NWD1: variants seen among roughly 807,000 people sequenced by gnomAD.
NWD1 encodes NACHT and WD repeat domain containing 1.
NWD1 carries 129 observed loss-of-function variants against 135.1 expected under a neutral mutation model. The ratio of observed to expected loss-of-function variants is 0.96; its 90% CI spans 0.83 to 1.11. The LOEUF (loss-of-function observed/expected upper bound fraction) is 1.11. NWD1 is among the 50% of genes least tolerant of loss of function. The pLI is 0.00. For missense variants in NWD1, 1,740 were observed against 1,851.3 expected, an observed-to-expected ratio of 0.94 and a Z score of 1.10; for synonymous variants, 773 against 786.0, an observed-to-expected ratio of 0.98 and a Z score of 0.28.
chr19:16,788,232 AAAT>A (rs200511332), intron 12 of NWD1, among the ~76,000 whole-genome samples: 45,499 of 114,762 alleles, frequency 0.4, 9,215 homozygotes, highest in East Asian at 0.55. Context: ...CTTCATCTCA[AAAT>A]AATAATAATA....
chr19:16,762,034 A>G lies in NWD1; in HGVS notation c.2029A>G (p.Arg677Gly). The change falls in exon 8 of 19, where the codon AGG becomes GGG. Residue 677 changes from arginine (R) to glycine (G), a missense_variant. By Grantham distance (125) the Arg-to-Gly change is moderately radical (BLOSUM62 -2). Transcript: ENST00000524140. ...CCTGTCAGGATCCGAGAGAGCCAAG[A>G]GGCATGGCGTCCTGGCCGACTTCTT... ...RYLSGSERAKRHGVLADFFSG... is the reference protein window; with the variant it reads ...RYLSGSERAKGHGVLADFFSG... The G allele has an allele frequency of 6.2e-7, 1 of 1,614,024 alleles. No individual in the cohort carries two copies. The highest frequency in any genetic ancestry group is 1.3e-5 in the African/African-American group (1 of 75,032).
intron 5 of NWD1, among the ~76,000 whole-genome samples, chr19:16,746,464 G>C (rs545312169): frequency 1.3e-5 from 2 of 152,148 alleles, no homozygotes; most frequent in Non-Finnish European, 2.9e-5. Flanking sequence ...CACGAGGTCA[G>C]GAGTTCAAGA....
intron 11 of NWD1, 32 bp downstream of exon 11, chr19:16,773,355 C>T (rs760809412): frequency 6.3e-7 from 1 of 1,581,624 alleles, no homozygotes; most frequent in Non-Finnish European, 8.6e-7. Context: ...AAAATCCCAG[C>T]AGGCACCTGC....
At chr19:16,808,970 G>C (rs1165974025) in intron 18 of NWD1, among the ~76,000 whole-genome samples, 1 of 152,280 alleles carries the variant, frequency 6.6e-6, no homozygotes, top group African/African-American at 2.4e-5. Flanking sequence ...CTGTGATCCA[G>C]CTACTTGGAG....
chr19:16,794,048 C>T (rs1393041980), intron 14 of NWD1, among the ~76,000 whole-genome samples: 3 of 152,158 alleles, frequency 2.0e-5, no homozygotes, highest in Non-Finnish European at 4.4e-5. Context: ...GGTGTACCAC[C>T]ATGCCCAGCT....
At chr19:16,759,078 A>C (rs548605546) in intron 6 of NWD1, 147 bp from the exon 7 acceptor site, 1 of 663,288 alleles carries the variant, frequency 1.5e-6, no homozygotes, top group Non-Finnish European at 2.7e-6. Context: ...CGTGCTTGGT[A>C]CCTTGTGGGC....
intron 2 of NWD1, among the ~76,000 whole-genome samples, chr19:16,726,542 C>T (rs1005351116): frequency 2.0e-5 from 3 of 151,394 alleles, no homozygotes; most frequent in Non-Finnish European, 2.9e-5. Flanking sequence ...TGAGTTCAAG[C>T]GATTCTCCTG....
At chr19:16,798,472 G>A (rs922830287) in intron 16 of NWD1, among the ~76,000 whole-genome samples, 4 of 152,020 alleles carry the variant, frequency 2.6e-5, no homozygotes, top group Non-Finnish European at 5.9e-5. Flanking sequence ...TTAGCCGGGC[G>A]TCATGGCATG....
chr19:16,779,475 G>T lies in NWD1; in HGVS notation c.2731+10G>T. Reference sequence around the variant, plus strand: ...CTAACTGGACACACAGGTGAGACTTGGGAAGTGGGCTTTGTGGTCAGCTTC... The same window carrying T: ...CTAACTGGACACACAGGTGAGACTTTGGAAGTGGGCTTTGTGGTCAGCTTC... On this transcript the variant is annotated intron_variant, in intron 12 of 18. Coordinates refer to ENST00000524140, the MANE Select transcript of NWD1 (RefSeq NM_001007525.5). 1 of 1,611,686 alleles carries T rather than the reference G, an allele frequency of 6.2e-7. No individual in the cohort carries two copies.
At chr19:16,730,568 A>G (rs10416579) in intron 2 of NWD1, among the ~76,000 whole-genome samples, 98,436 of 151,636 alleles carry the variant, frequency 0.65, 33,357 homozygotes, top group African/African-American at 0.81. Flanking sequence ...TTAAAAAAAT[A>G]TATATGGCTG....
At chr19:16,807,468 G>A in intron 17 of NWD1, 118 bp from the exon 18 acceptor site, 1 of 783,246 alleles carries the variant, frequency 1.3e-6, no homozygotes, top group Non-Finnish European at 2.1e-6. Context: ...ACTACAGCCT[G>A]GGCAACAGAG....
At chr19:16,723,708 GTTT>G (rs1967220991) in intron 1 of NWD1, among the ~76,000 whole-genome samples, 1 of 151,706 alleles carries the variant, frequency 6.6e-6, no homozygotes, top group African/African-American at 2.4e-5. Flanking sequence ...GTTTTGTTTT[GTTT>G]TGTTTTGAGA....
chr19:16,772,032 A>G (rs1035756816), intron 10 of NWD1, among the ~76,000 whole-genome samples: 1 of 152,114 alleles, frequency 6.6e-6, no homozygotes, highest in African/African-American at 2.4e-5. Context: ...TGAAAGGTAC[A>G]AAGATTTCCA....
At chr19:16,772,183 T>C (rs751392104) in intron 10 of NWD1, among the ~76,000 whole-genome samples, 2 of 151,692 alleles carry the variant, frequency 1.3e-5, no homozygotes, top group Admixed American at 6.6e-5. Context: ...CTGGGCAACA[T>C]AACGAGACCC....
Position 16,749,489 on chromosome 19 carries a change from G to T in NWD1, c.847G>T (p.Glu283Ter), listed in dbSNP as rs1471622332. 6.2e-7 allele frequency: 1 copy of T among 1,611,944 alleles called. No homozygotes were observed. The highest frequency in any genetic ancestry group is 1.7e-5 in the Admixed American group (1 of 59,978). ...TCACCAGGTCCTCACACGCCTCCGT[G>T]AGCTGGATACGGCCGGACAGGAGTT... ...ANHQVLTRLR[E>*]LDTAGQELAW... is the part of the protein sequence containing the mutation. Residue 283 changes from glutamate to a stop codon, truncating the protein, a stop_gained, in exon 6 of 19, where the codon GAG (glutamate) becomes TAG (stop). Coordinates refer to ENST00000524140, the MANE Select transcript of NWD1 (RefSeq NM_001007525.5). LOFTEE classifies it high-confidence loss of function.
At chr19:16,764,384 C>CT (rs1246948063) in intron 9 of NWD1, among the ~76,000 whole-genome samples, 1 of 134,874 alleles carries the variant, frequency 7.4e-6, no homozygotes, top group African/African-American at 3.2e-5. Context: ...TCCATCCATC[C>CT]ATCCATCCAT....
chr19:16,808,833 C>T (rs778765790), intron 18 of NWD1, among the ~76,000 whole-genome samples: 2 of 151,990 alleles, frequency 1.3e-5, no homozygotes, highest in African/African-American at 2.4e-5. Context: ...GTGGCTCACC[C>T]GGCACTTTGG....
intron 3 of NWD1, among the ~76,000 whole-genome samples, chr19:16,732,043 T>G (rs976631876): frequency 6.6e-6 from 1 of 151,602 alleles, no homozygotes; most frequent in Non-Finnish European, 1.5e-5. Flanking sequence ...ATGATGAAAC[T>G]CTGTCTCTAC....
rs1365570149 is a variant in NWD1 at position 16,797,885 on chromosome 19, A to C, written c.3458A>C (p.Gln1153Pro). 5 of 1,612,562 alleles carry C rather than the reference A, an allele frequency of 3.1e-6. No individual in the cohort carries two copies. The highest frequency in any genetic ancestry group is 4.2e-6 in the Non-Finnish European group (5 of 1,179,204). Residue 1153 changes from glutamine to proline, a missense_variant and splice_region_variant, in exon 16 of 19, where the codon CAG becomes CCG. Transcript: ENST00000524140. Reference protein sequence around the residue: ...IITGSLDALIQVWSLSEQGTL... With the variant: ...IITGSLDALIPVWSLSEQGTL... ...ACGGGGTCCCTTGATGCGCTCATTC[A>C]GGTGAGGGGAGATCTGGGACCCTTC...
Sources: allele counts gnomAD v4.1 joint callset (sites outside exome capture counted in the v4.1 genomes callset), GRCh38; gene constraint gnomAD v4.1.1; transcripts MANE v1.5; gene names NCBI Gene and HGNC (gene_info 2026-07-23, HGNC 2026-07-21).